HHAT: variants seen among roughly 807,000 people sequenced by gnomAD.
HHAT encodes the protein hedgehog acyltransferase.
A neutral mutation model predicts 70.8 loss-of-function variants in HHAT; 47 were observed. The ratio of observed to expected loss-of-function variants is 0.66; its 90% CI spans 0.53 to 0.85. The LOEUF (loss-of-function observed/expected upper bound fraction) is 0.85, where lower values mean the gene tolerates loss of function less well. HHAT is among the 40% of genes least tolerant of loss of function. The probability of loss-of-function intolerance (pLI) is 0.00; values close to 1 mark genes in which losing one functional copy is unlikely to be tolerated. For missense variants in HHAT, 609 were observed against 604.8 expected (o/e 1.01, Z -0.07); for synonymous variants, 228 against 247.6 (o/e 0.92, Z 0.74).
At position 210,404,600 on chromosome 1, in the gene HHAT, C is replaced by T; in HGVS notation, c.605C>T (p.Pro202Leu). 6.2e-7 allele frequency: 1 copy of T among 1,614,178 alleles called. No individual in the cohort carries two copies. Among genetic ancestry groups the T allele is most frequent in the Non-Finnish European group, 8.5e-7 (1 of 1,180,038 alleles). Residue 202 changes from proline to leucine, a missense_variant, in exon 6 of 12, where the codon CCC becomes CTC. Transcript: ENST00000261458. ...LPAASTSYSF[P>L]WMLAYVFYYP... ...GCTGCATCGACCTCCTACTCCTTTC[C>T]CTGGATGCTGGCCTATGTCTTTTAT...
At chr1:210,533,004 G>C (rs184790447) in intron 9 of HHAT, among the ~76,000 whole-genome samples, 1 of 152,132 alleles carries the variant, frequency 6.6e-6, no homozygotes, top group Non-Finnish European at 1.5e-5. Flanking sequence ...AGGTTTTCTG[G>C]AATATACCCT....
chr1:210,453,595 CATT>C (rs2093800348), intron 7 of HHAT, among the ~76,000 whole-genome samples: 1 of 152,096 alleles, frequency 6.6e-6, no homozygotes, highest in Non-Finnish European at 1.5e-5. Flanking sequence ...TTAACTAACT[CATT>C]ATTGTGCTGA....
intron 1 of HHAT, among the ~76,000 whole-genome samples, chr1:210,341,806 A>AT: frequency 6.6e-6 from 1 of 152,270 alleles, no homozygotes; most frequent in Non-Finnish European, 1.5e-5. Flanking sequence ...AGATAAATAT[A>AT]TTTTTTGAAA....
chr1:210,480,383 C>T (rs1353034607), intron 8 of HHAT, among the ~76,000 whole-genome samples: 2 of 152,100 alleles, frequency 1.3e-5, no homozygotes, highest in Non-Finnish European at 2.9e-5. Context: ...TGACATTGAG[C>T]AGTAGGATAT....
At chr1:210,439,124 G>A (rs555344945) in intron 7 of HHAT, among the ~76,000 whole-genome samples, 11 of 151,926 alleles carry the variant, frequency 7.2e-5, no homozygotes, top group Admixed American at 2.0e-4. Context: ...AAAGAATTTC[G>A]TTGTCTCTTA....
chr1:210,650,073 C>A (rs1674820884), intron 11 of HHAT, among the ~76,000 whole-genome samples: 2 of 152,148 alleles, frequency 1.3e-5, no homozygotes, highest in African/African-American at 4.8e-5. Context: ...GTTCATCTTG[C>A]CTATATGGCA....
intron 8 of HHAT, among the ~76,000 whole-genome samples, chr1:210,496,279 C>T (rs1011710798): frequency 1.4e-4 from 22 of 152,172 alleles, no homozygotes; most frequent in South Asian, 4.1e-4. Context: ...GAGGCCTCAG[C>T]GTCTCACCAC....
At chr1:210,360,118 T>A (rs934137085) in intron 2 of HHAT, among the ~76,000 whole-genome samples, 1 of 152,306 alleles carries the variant, frequency 6.6e-6, no homozygotes, top group African/African-American at 2.4e-5. Flanking sequence ...TTCTCCTGTA[T>A]CAACTACATT....
chr1:210,472,191 A>G (rs1308882147), intron 8 of HHAT, among the ~76,000 whole-genome samples: 1 of 152,194 alleles, frequency 6.6e-6, no homozygotes, highest in African/African-American at 2.4e-5. Flanking sequence ...CAGAAAAAAA[A>G]TCCTCCCACA....
intron 4 of HHAT, 62 bp downstream of exon 4, chr1:210,387,643 A>G (rs1450907837): frequency 3.1e-6 from 4 of 1,288,662 alleles, no homozygotes; most frequent in Non-Finnish European, 4.5e-6. Context: ...GTGAAGAAAG[A>G]GTCCAAGCTA....
chr1:210,432,681 G>T (rs550023135), intron 7 of HHAT, among the ~76,000 whole-genome samples: 1 of 151,784 alleles, frequency 6.6e-6, no homozygotes, highest in Non-Finnish European at 1.5e-5. Context: ...TTTACCTTCT[G>T]GTGGACCTGC....
At chr1:210,550,406 A>C (rs11804799) in intron 9 of HHAT, among the ~76,000 whole-genome samples, 1 of 149,184 alleles carries the variant, frequency 6.7e-6, no homozygotes, top group Non-Finnish European at 1.5e-5. Context: ...TCCTTGGGTA[A>C]GTTATTTAAA....
At chr1:210,488,223 AT>A (rs1273786641) in intron 8 of HHAT, among the ~76,000 whole-genome samples, 2 of 152,194 alleles carry the variant, frequency 1.3e-5, no homozygotes, top group Non-Finnish European at 2.9e-5. Context: ...TTTCCCCTGC[AT>A]ATCTGCATCA....
intron 8 of HHAT, among the ~76,000 whole-genome samples, chr1:210,497,302 T>C (rs1047308345): frequency 3.9e-5 from 6 of 152,232 alleles, no homozygotes; most frequent in Admixed American, 1.3e-4. Flanking sequence ...CAATATTTTT[T>C]GTGTTGACTA....
intron 2 of HHAT, among the ~76,000 whole-genome samples, chr1:210,354,080 G>C (rs998681375): frequency 9.2e-5 from 14 of 152,104 alleles, no homozygotes; most frequent in Non-Finnish European, 1.6e-4. Context: ...TTCCAAAGGA[G>C]GAGATCCATT....
chr1:210,527,707 G>A (rs2148625015), intron 9 of HHAT, among the ~76,000 whole-genome samples: 2 of 152,314 alleles, frequency 1.3e-5, no homozygotes, highest in South Asian at 4.2e-4. Context: ...AATTTCCTTT[G>A]AGCACGTGAC....
chr1:210,644,898 T>G (rs1396137535), intron 11 of HHAT, among the ~76,000 whole-genome samples: 6 of 152,144 alleles, frequency 3.9e-5, no homozygotes. Context: ...CTGACAGCCT[T>G]TGCCGCTGGT....
rs528354978 is a variant in HHAT at position 210,488,758 on chromosome 1, T to TG, written c.1007+24105dup. On this transcript the variant is annotated intron_variant, in intron 8 of 11. Transcript: ENST00000261458. The stretch of plus-strand genomic sequence containing the variant: ...AAATTTAAAAATGAGTAGAGCTTGG[T>TG]GGTACACACCTGTAGTCCTAGCTAC... Among the ~76,000 whole-genome samples, 36 of 152,228 alleles carry TG rather than the reference T, an allele frequency of 2.4e-4. No individual in the cohort carries two copies. The East Asian group carries it at 6.6e-3, about 28-fold the overall frequency.
Position 210,387,581 on chromosome 1 carries a change from G to T in HHAT, c.273G>T (p.Lys91Asn). 6.2e-7 allele frequency: 1 copy of T among 1,609,358 alleles called. No homozygotes were observed. The change falls in exon 4 of 12, where the codon AAG (lysine) becomes AAT (asparagine). Residue 91 changes from lysine (K) to asparagine (N), a missense_variant and splice_region_variant. By Grantham distance (94) the Lys-to-Asn change is moderately conservative. Transcript: ENST00000261458. ...VSQMATLLAR[K>N]HRPWILMLYG... ...AAATGGCCACACTGCTGGCAAGAAA[G>T]GTATGATTATATGTGTTGTTACCTT...
Sources: gnomAD v4.1 joint callset for allele counts (sites outside exome capture counted in the v4.1 genomes callset) on GRCh38, gnomAD v4.1.1 for gene constraint, MANE v1.5 for transcripts, NCBI Gene and HGNC (gene_info 2026-07-23, HGNC 2026-07-21) for gene names.